The following CWH43 variants were observed in gnomAD, a reference collection of about 807,000 sequenced individuals.
The protein encoded by CWH43 is PGAP2-interacting protein.
CWH43 carries 91 observed loss-of-function variants against 85.7 expected under a neutral mutation model. The ratio of observed to expected loss-of-function variants is 1.06; its 90% confidence interval spans 0.90 to 1.26. CWH43 has a LOEUF of 1.26. Among genes scored for constraint, CWH43 ranks in the 50% most tolerant of loss-of-function variants. The probability of loss-of-function intolerance (pLI) is 0.00; values close to 1 mark genes in which losing one functional copy is unlikely to be tolerated. For synonymous variants in CWH43, 323 were observed against 293.6 expected, an observed-to-expected ratio of 1.10 and a Z score of -1.02; for missense variants, 869 against 839.2, an observed-to-expected ratio of 1.04 and a Z score of -0.44.
chr4:49,007,701 C>T (rs1783207970), intron 8 of CWH43, among the ~76,000 whole-genome samples: 1 of 151,970 alleles, frequency 6.6e-6, no homozygotes, highest in Admixed American at 6.6e-5. Context: ...GTTTAATTCC[C>T]ACCTATGAGT....
chr4:48,995,483 G>A (rs1782784513), intron 5 of CWH43, among the ~76,000 whole-genome samples: 1 of 152,140 alleles, frequency 6.6e-6, no homozygotes, highest in Admixed American at 6.5e-5. Flanking sequence ...TAAAAGATCT[G>A]CCTCCGATAT....
rs145099268 is a variant in CWH43 at position 48,999,742 on chromosome 4, G to C, written c.802+1194G>C. ...TTCCGTGTTTCAAAAATGCCATTTAGAGTTCCATGATGAAGCTCCATTTCC... is the reference window on the plus strand; with the variant it reads ...TTCCGTGTTTCAAAAATGCCATTTACAGTTCCATGATGAAGCTCCATTTCC... On this transcript the variant is annotated intron_variant, in intron 6 of 15. Transcript: ENST00000226432. Among the ~76,000 whole-genome samples the C allele has an allele frequency of 1.7e-3, 262 of 152,282 alleles. 1 individual carries two copies. The highest frequency in any genetic ancestry group is 6.1e-3 in the African/African-American group (252 of 41,560).
intron 15 of CWH43, among the ~76,000 whole-genome samples, chr4:49,055,984 A>G (rs1397481066): frequency 6.8e-6 from 1 of 147,244 alleles, no homozygotes; most frequent in African/African-American, 2.5e-5. Flanking sequence ...TTACATATGT[A>G]TACATGTGCC....
intron 15 of CWH43, among the ~76,000 whole-genome samples, chr4:49,053,800 A>G (rs1784871254): frequency 8.5e-5 from 13 of 152,296 alleles, no homozygotes; most frequent in Admixed American, 6.5e-4. Context: ...TGCTTGGGGC[A>G]TTTCAGATTT....
chr4:49,010,790 G>C (rs1015308502), intron 8 of CWH43, among the ~76,000 whole-genome samples: 31 of 152,136 alleles, frequency 2.0e-4, no homozygotes, highest in African/African-American at 7.0e-4. Context: ...GTGGTTTTGG[G>C]TGAGTTTCTT....
intron 15 of CWH43, among the ~76,000 whole-genome samples, chr4:49,057,482 G>C (rs532842882): frequency 6.6e-6 from 1 of 152,322 alleles, no homozygotes; most frequent in Admixed American, 6.5e-5. Flanking sequence ...ATGGGAGGCA[G>C]GTTTGCCCTA....
At position 49,061,962 on chromosome 4, in the gene CWH43, T is replaced by G; in HGVS notation, c.*72T>G. ...AGTATGTAAGATAAAAAGAAGAGAT[T>G]AATGAAAGTGGGAAAATACACATGA... On this transcript the variant is annotated 3_prime_UTR_variant, in exon 16 of 16. Transcript: ENST00000226432. 1 of 1,142,856 alleles carries G rather than the reference T, an allele frequency of 8.8e-7. No individual in the cohort carries two copies. The allele number at this position is 1,142,856 out of a possible 1,614,324, so 70.8% of individuals were successfully genotyped here.
chr4:48,987,824 G>C (rs1315967045), intron 1 of CWH43, among the ~76,000 whole-genome samples: 2 of 152,194 alleles, frequency 1.3e-5, no homozygotes, highest in South Asian at 2.1e-4. Flanking sequence ...CTACTCAAGG[G>C]AACGACTGCT....
chr4:49,058,024 C>A (rs1205070915), intron 15 of CWH43, among the ~76,000 whole-genome samples: 1 of 152,076 alleles, frequency 6.6e-6, no homozygotes, highest in Non-Finnish European at 1.5e-5. Context: ...TTTTTATAGG[C>A]AGCAATTTCT....
chr4:49,056,632 T>C (rs575025396), intron 15 of CWH43, among the ~76,000 whole-genome samples: 11 of 152,180 alleles, frequency 7.2e-5, no homozygotes, highest in South Asian at 2.1e-4. Context: ...TTCATATTTT[T>C]TTTTATTTTT....
Position 49,044,825 on chromosome 4 carries a change from A to C in CWH43, c.1843A>C (p.Ile615Leu). 2 of 1,613,270 alleles carry C rather than the reference A, an allele frequency of 1.2e-6. No individual in the cohort carries two copies. Among genetic ancestry groups the C allele is most frequent in the Non-Finnish European group, 8.5e-7 (1 of 1,179,400 alleles). The change falls in exon 14 of 16, where the codon ATT becomes CTT. Residue 615 changes from isoleucine to leucine, a missense_variant. Transcript: ENST00000226432. Reference sequence around the variant, plus strand: ...TGATCATGACAGATGGTGTGAATACATTATGTATCGAGGGCTGATCAGGTG... The same window carrying C: ...TGATCATGACAGATGGTGTGAATACCTTATGTATCGAGGGCTGATCAGGTG... Reference protein sequence around the residue: ...STDHDRWCEYIMYRGLIRLGY... With the variant: ...STDHDRWCEYLMYRGLIRLGY...
rs2109747486 is a variant in CWH43, at chr4:48,994,832, T to C, written c.713+12T>C. The C allele has an allele frequency of 6.2e-7, 1 of 1,612,406 alleles. No individual in the cohort carries two copies. The highest frequency in any genetic ancestry group is 8.5e-7 in the Non-Finnish European group (1 of 1,179,118). On this transcript the variant is annotated intron_variant, in intron 5 of 15. Transcript: ENST00000226432. ...CCTAACCCATTTGGGTGAGTTTGGG[T>C]TTGGAAGCAATCACAAAATCGGCAG... is the stretch of plus-strand genomic sequence containing the variant.
intron 13 of CWH43, among the ~76,000 whole-genome samples, chr4:49,040,047 C>T (rs1210456485): frequency 1.3e-5 from 2 of 152,172 alleles, no homozygotes; most frequent in Non-Finnish European, 2.9e-5. Context: ...TTTCCAGTTT[C>T]ATCCATGTCC....
intron 6 of CWH43, among the ~76,000 whole-genome samples, chr4:49,003,307 C>A (rs1401943525): frequency 6.6e-6 from 1 of 152,132 alleles, no homozygotes; most frequent in South Asian, 2.1e-4. Context: ...GACAGAAATT[C>A]CTTAGAAGCC....
chr4:49,055,531 G>A (rs1178939632), intron 15 of CWH43, among the ~76,000 whole-genome samples: 2 of 151,876 alleles, frequency 1.3e-5, no homozygotes, highest in African/African-American at 4.8e-5. Context: ...GAATTTGCAG[G>A]TGTTCCCTCC....
intron 15 of CWH43, 68 bp from the exon 16 acceptor site, chr4:49,061,744 A>G: frequency 8.5e-7 from 1 of 1,173,254 alleles, no homozygotes; most frequent in Non-Finnish European, 1.1e-6. Context: ...GAAATTTTAC[A>G]TAAGAACATA....
intron 13 of CWH43, among the ~76,000 whole-genome samples, chr4:49,039,374 T>C (rs1354198756): frequency 6.3e-5 from 5 of 78,966 alleles, no homozygotes; most frequent in African/African-American, 1.7e-4. Flanking sequence ...CTGATGTATA[T>C]ATATACTGAT....
chr4:49,043,666 AT>A (rs977858301), intron 13 of CWH43, among the ~76,000 whole-genome samples: 1 of 152,052 alleles, frequency 6.6e-6, no homozygotes, highest in Non-Finnish European at 1.5e-5. Flanking sequence ...TATTTTTAAA[AT>A]TTTTTTGCAA....
Position 48,995,707 on chromosome 4 carries a change from CA to C in CWH43, c.713+889del, listed in dbSNP as rs1337419927. 2.0e-5 allele frequency among the ~76,000 whole-genome samples: 3 copies of C among 152,136 alleles called. No individual in the cohort carries two copies. The South Asian group carries it at 6.2e-4, about 32-fold the overall frequency. On this transcript the variant is annotated intron_variant, in intron 5 of 15. Transcript: ENST00000226432. ...CCACCTCATCATCCAAACCTGAGAC[CA>C]AGAGTTTGCCCAGAATTCTCCATCT... is the stretch of plus-strand genomic sequence containing the variant.
Sources: gnomAD v4.1 joint callset for allele counts (sites outside exome capture counted in the v4.1 genomes callset) on GRCh38, gnomAD v4.1.1 for gene constraint, MANE v1.5 for transcripts, NCBI Gene and HGNC (gene_info 2026-07-23, HGNC 2026-07-21) for gene names.